Variants in TEP1 observed in about 807,000 individuals in gnomAD.
TEP1 encodes telomerase protein component 1.
Under a neutral mutation model 306.3 loss-of-function variants are expected in TEP1, and 241 were observed. That is an observed-to-expected ratio of 0.79 (90% CI 0.71 to 0.88). The LOEUF (loss-of-function observed/expected upper bound fraction) is 0.88, where lower values mean the gene tolerates loss of function less well. TEP1 is among the 40% of genes least tolerant of loss of function. The pLI, the probability that TEP1 is intolerant of heterozygous loss-of-function variation, is 0.00. For missense variants in TEP1, 3,051 were observed against 3,276.1 expected (o/e 0.93, Z 1.68); for synonymous variants, 1,289 against 1,305.5 (o/e 0.99, Z 0.27).
Position 20,385,031 on chromosome 14 carries a change from G to T in TEP1, c.3061C>A (p.Pro1021Thr). 1 of 1,614,220 alleles carries T rather than the reference G, an allele frequency of 6.2e-7. No homozygotes were observed. The highest frequency in any genetic ancestry group is 1.1e-5 in the South Asian group (1 of 91,088). Reference protein sequence around the residue: ...QFLNRNQRLQPSAQALIYFRD... With the variant: ...QFLNRNQRLQTSAQALIYFRD... ...AAGTAGATGAGAGCTTGGGCAGAGG[G>T]CTGCAGACGTTGGTTCCGGTTCAGG... Residue 1021 changes from proline to threonine, a missense_variant, in exon 21 of 55, where the codon CCC becomes ACC. This residue lies in a region of TEP1 where 1,507 missense variants were observed against 1,550.5 expected (regional missense o/e 0.97). Coordinates refer to ENST00000262715, the MANE Select transcript of TEP1 (RefSeq NM_007110.5).
rs1487878894 is a variant in TEP1, at chr14:20,366,932, C to A, written c.*1505G>T. 1.3e-5 allele frequency: 2 copies of A among 152,240 alleles called. No homozygotes were observed. Among genetic ancestry groups the A allele is most frequent in the Non-Finnish European group, 2.9e-5 (2 of 68,056 alleles). The allele number at this position is 152,240 out of a possible 1,614,324, so 9.4% of individuals were successfully genotyped here. ...CATGGGCCAAGGGCAGGAGGAAGCT[C>A]TAGTTGTCTGTCTCCCATGCTCTGA... is the stretch of plus-strand genomic sequence containing the variant. On this transcript the variant is annotated 3_prime_UTR_variant, in exon 55 of 55. Transcript: ENST00000262715.
chr14:20,369,817 A>G, intron 51 of TEP1, 38 bp from the exon 52 acceptor site: 4 of 1,530,072 alleles, frequency 2.6e-6, no homozygotes, highest in Non-Finnish European at 2.7e-6. Flanking sequence ...GCCTACCCAT[A>G]TGAGTCAACT....
chr14:20,383,209 C>T lies in TEP1; in HGVS notation c.4012G>A (p.Gly1338Arg), dbSNP rs770633564. 8.7e-6 allele frequency: 14 copies of T among 1,611,412 alleles called. No homozygotes were observed. In the East Asian group the frequency reaches 8.9e-5, roughly 10 times the overall value. ...RLVREELALYGKRLEESPFNN... is the reference protein window; with the variant it reads ...RLVREELALYRKRLEESPFNN... ...AATGGTGACTCCTCCAGCCGCTTCC[C>T]GTACAGGGCCAGCTCCTCTCTCACC... Residue 1338 changes from glycine (G) to arginine (R), a missense_variant, in exon 27 of 55, where the codon GGG (glycine) becomes AGG (arginine). Around this residue, in one of 3 missense-constraint regions of TEP1, gnomAD observed 1,540 missense variants for 1,705.9 expected, o/e 0.90. Coordinates refer to ENST00000262715, the MANE Select transcript of TEP1 (RefSeq NM_007110.5).
Position 20,377,745 on chromosome 14 carries a change from C to T in TEP1, c.5730G>A (p.Val1910=), listed in dbSNP as rs751297426. ...GGGGCCGACCCAGAGACCCTGACCA[C>T]ACCTGAACCTGGGAACCAAGAAAAG... ...LTAGEDGKVQ[V]WSGSLGRPRG... Residue 1910 remains valine, a synonymous_variant, in exon 40 of 55, where the codon GTG becomes GTA. Transcript: ENST00000262715. 5.0e-6 allele frequency: 8 copies of T among 1,613,492 alleles called. No individual in the cohort carries two copies. In the South Asian group the frequency reaches 8.8e-5, roughly 18 times the overall value.
chr14:20,369,077 G>C (rs1309814594), intron 53 of TEP1, among the ~76,000 whole-genome samples, 175 bp from the exon 54 acceptor site: 1 of 151,472 alleles, frequency 6.6e-6, no homozygotes, highest in Non-Finnish European at 1.5e-5. Context: ...GCGCAATCTC[G>C]GCTCACCGCA....
intron 1 of TEP1, among the ~76,000 whole-genome samples, chr14:20,410,708 G>C (rs976107735): frequency 6.8e-6 from 1 of 147,978 alleles, no homozygotes; most frequent in African/African-American, 2.5e-5. Context: ...CCAAAGTGCT[G>C]GGATTACAGG....
At chr14:20,405,377 C>CCCAACATAACCCACCACACA in intron 4 of TEP1, 74 bp downstream of exon 4, 1 of 1,567,410 alleles carries the variant, frequency 6.4e-7, no homozygotes. Flanking sequence ...CTAGTCACCA[C>CCCAACATAACCCACCACACA]CCCGCCACAC....
intron 41 of TEP1, 120 bp from the exon 42 acceptor site, chr14:20,376,384 G>T: frequency 1.9e-6 from 2 of 1,036,514 alleles, no homozygotes. Flanking sequence ...TCAGCTCCAT[G>T]GGAGGGATGC....
intron 10 of TEP1, 37 bp downstream of exon 10, chr14:20,396,584 T>C: frequency 4.5e-6 from 7 of 1,559,624 alleles, no homozygotes; most frequent in Non-Finnish European, 6.2e-6. Context: ...GCACATCTAG[T>C]TGCTGGGCCC....
rs1876507824 is a variant in TEP1 at position 20,381,309 on chromosome 14, T to C, written c.4647+4A>G. 1 of 1,614,082 alleles carries C rather than the reference T, an allele frequency of 6.2e-7. No homozygotes were observed. The highest frequency in any genetic ancestry group is 1.3e-5 in the African/African-American group (1 of 75,026). On this transcript the variant is annotated splice_donor_region_variant and intron_variant, in intron 32 of 54. Coordinates refer to ENST00000262715, the MANE Select transcript of TEP1 (RefSeq NM_007110.5). This position sits in a 1 kb window ranked among gnomAD's most constrained non-coding sequence, Gnocchi z 4.0. The stretch of plus-strand genomic sequence containing the variant: ...AAAGGTGTCTATGGGGTCTAGGAAC[T>C]AACCAGGTGGTAAGGCAGGTCTCCC...
In TEP1 at chr14:20,376,252, A is replaced by T; in HGVS notation, c.6101T>A (p.Val2034Glu). The T allele has an allele frequency of 6.2e-7, 1 of 1,613,764 alleles. No homozygotes were observed. The highest frequency in any genetic ancestry group is 8.5e-7 in the Non-Finnish European group (1 of 1,179,908). The change falls in exon 42 of 55, where the codon GTG (valine) becomes GAG (glutamate). Residue 2034 changes from valine to glutamate, a missense_variant. Physicochemically the swap from Val to Glu is moderately radical, Grantham distance 121. Transcript: ENST00000262715. ...CAGCAGCTGCCTTGGCCACAGCTGC[A>T]CTGTGAAATCCTCTGCATTGGAAAA... ...LLASASEDFT[V>E]QLWPRQLLTR...
Position 20,412,385 on chromosome 14 carries a change from T to C in TEP1, c.-25+1020A>G, listed in dbSNP as rs866530633. Among the ~76,000 whole-genome samples the C allele has an allele frequency of 2.6e-5, 4 of 152,280 alleles. No homozygotes were observed. The East Asian group carries it at 5.8e-4, about 22-fold the overall frequency. On this transcript the variant is annotated intron_variant, in intron 1 of 54. Transcript: ENST00000262715. The stretch of plus-strand genomic sequence containing the variant: ...GGACAGTCTCACTATTTTGCTCATT[T>C]TATTGTTTTGCACCCTGGAGTTTTT...
At position 20,410,020 on chromosome 14, in the gene TEP1, C is replaced by CAAAAAAAAAAAAAA. The variant is rs570672845; in HGVS notation, c.-24-1571_-24-1558dup. Among the ~76,000 whole-genome samples the CAAAAAAAAAAAAAA allele has an allele frequency of 6.8e-4, 40 of 58,948 alleles. 1 individual carries two copies. The highest frequency in any genetic ancestry group is 9.4e-4 in the African/African-American group (14 of 14,966). The allele number at this position is 58,948 out of a possible 152,430, so 38.7% of individuals were successfully genotyped here. On this transcript the variant is annotated intron_variant, in intron 1 of 54. Coordinates refer to ENST00000262715, the MANE Select transcript of TEP1 (RefSeq NM_007110.5). ...TGGGCGACAGAGCAAGACTCTGTCT[C>CAAAAAAAAAAAAAA]AAAAAAAAAAAAAAAAAAAAAAAAA...
At position 20,365,796 on chromosome 14, in the gene TEP1, C is replaced by G. The variant is rs1884444874; in HGVS notation, c.*2641G>C. On this transcript the variant is annotated 3_prime_UTR_variant, in exon 55 of 55. Coordinates refer to ENST00000262715, the MANE Select transcript of TEP1 (RefSeq NM_007110.5). ...AACATTAACAATTTGTGAACTGGCA[C>G]TAGTCCATGAACCAAACTTTGAGTA... is the stretch of plus-strand genomic sequence containing the variant. 2 of 152,204 alleles carry G rather than the reference C, an allele frequency of 1.3e-5. No homozygotes were observed. The highest frequency in any genetic ancestry group is 4.8e-5 in the African/African-American group (2 of 41,458). The allele number at this position is 152,204 out of a possible 1,614,324, so 9.4% of individuals were successfully genotyped here. A position where few individuals can be genotyped will look rare whatever the true frequency, so the allele number is the denominator to read the frequency against.
chr14:20,376,665 ATCTC>A (rs1226336972), intron 41 of TEP1, among the ~76,000 whole-genome samples: 4 of 151,900 alleles, frequency 2.6e-5, no homozygotes, highest in Non-Finnish European at 5.9e-5. Flanking sequence ...TCACCTCAAC[ATCTC>A]TCTCTCTCCT....
chr14:20,386,025 C>G lies in TEP1; in HGVS notation c.2982+50G>C, dbSNP rs756741078. On this transcript the variant is annotated intron_variant, in intron 20 of 54. Transcript: ENST00000262715. ...AGAGTGTGGCTTCTCCCAGCCTCTG[C>G]CCCAATCTTTGCTTCCTCCCCAGCC... The G allele has an allele frequency of 4.5e-6, 7 of 1,543,892 alleles. No homozygotes were observed. In the Admixed American group the frequency reaches 1.6e-4, roughly 35 times the overall value.
intron 25 of TEP1, 38 bp downstream of exon 25, chr14:20,383,705 G>A (rs1876816929): frequency 6.2e-7 from 1 of 1,608,246 alleles, no homozygotes; most frequent in Non-Finnish European, 8.5e-7. Context: ...GGTGGTACGT[G>A]GGCATCAACA....
In TEP1 at chr14:20,381,777, T is replaced by C. The variant is rs1263599893; in HGVS notation, c.4425-91A>G. 1.5e-5 allele frequency: 23 copies of C among 1,531,554 alleles called. No individual in the cohort carries two copies. The allele number at this position is 1,531,554 out of a possible 1,614,324, so 94.9% of individuals were successfully genotyped here. A position where few individuals can be genotyped will look rare whatever the true frequency, so the allele number is the denominator to read the frequency against. ...AGTGGGCTCCTATTCCCCCCTCAAATAGCGGAAACTGGAGCAGCTGGAGCA... is the reference window on the plus strand; with the variant it reads ...AGTGGGCTCCTATTCCCCCCTCAAACAGCGGAAACTGGAGCAGCTGGAGCA... On this transcript the variant is annotated intron_variant, in intron 30 of 54. Coordinates refer to ENST00000262715, the MANE Select transcript of TEP1 (RefSeq NM_007110.5). The surrounding 1 kb of genome is among the most constrained non-coding windows in gnomAD (Gnocchi z 4.0).
chr14:20,398,469 T>C (rs1878400081), intron 9 of TEP1, among the ~76,000 whole-genome samples: 1 of 150,234 alleles, frequency 6.7e-6, no homozygotes, highest in Non-Finnish European at 1.5e-5. Flanking sequence ...AATTGAAAGA[T>C]AAATTGCTAT....
Sources: gnomAD v4.1 joint callset for allele counts (sites outside exome capture counted in the v4.1 genomes callset) on GRCh38, gnomAD v4.1.1 for gene constraint, gnomAD v4.1.1 regional missense constraint, Gnocchi (gnomAD v3.1) non-coding constraint, MANE v1.5 for transcripts, NCBI Gene and HGNC (gene_info 2026-07-23, HGNC 2026-07-21) for gene names.